The following TSC2 variants were observed in gnomAD, a reference collection of about 807,000 sequenced individuals.
The protein encoded by TSC2 is TSC complex subunit 2, also known as tuberin.
Under a neutral mutation model 202.2 loss-of-function variants are expected in TSC2, and 29 were observed. The observed-to-expected ratio is 0.14, with a 90% CI of 0.11 to 0.20. The LOEUF is 0.20. TSC2 is among the 10% of genes least tolerant of loss of function. The probability of loss-of-function intolerance (pLI) is 1.00; values close to 1 mark genes in which losing one functional copy is unlikely to be tolerated. For synonymous variants in TSC2, 1,349 were observed against 1,044.0 expected, an observed-to-expected ratio of 1.29 and a Z score of -5.63; for missense variants, 2,429 against 2,420.0, an observed-to-expected ratio of 1.00 and a Z score of -0.08.
intron 31 of TSC2, 90 bp from the exon 32 acceptor site, chr16:2,082,346 C>T (rs1484387751): frequency 4.0e-6 from 6 of 1,483,358 alleles, no homozygotes; most frequent in Admixed American, 3.3e-5. Flanking sequence ...TGCCCTCTCT[C>T]CTCTGCAGGC....
At chr16:2,068,546 G>C (rs1483568024) in intron 16 of TSC2, 2 of 152,274 alleles carry the variant, frequency 1.3e-5, no homozygotes, top group Admixed American at 6.5e-5. Context: ...TATGTATTCT[G>C]TGTTTTTACA....
chr16:2,069,027 G>A (rs1284155026), intron 16 of TSC2, among the ~76,000 whole-genome samples: 11 of 152,170 alleles, frequency 7.2e-5, no homozygotes, highest in Non-Finnish European at 1.5e-5. Context: ...GCTCTCTCGG[G>A]TGGGAGAGGC....
intron 14 of TSC2, chr16:2,063,800 T>G (rs2086934342): frequency 3.8e-6 from 1 of 265,926 alleles, no homozygotes; most frequent in African/African-American, 2.2e-5. Flanking sequence ...TCTGTTCCTG[T>G]GGAACTTTTT....
chr16:2,048,006 C>T lies in TSC2; in HGVS notation c.-89C>T. On this transcript the variant is annotated 5_prime_UTR_variant, in exon 1 of 42. Coordinates refer to ENST00000219476, the MANE Select transcript of TSC2 (RefSeq NM_000548.5). ...TCGCGCTTCCGGCGGCGTCCCGGGG[C>T]CAGGGGGGTGCGCCTTTCTCCGCGT... 12 of 1,488,954 alleles carry T rather than the reference C, an allele frequency of 8.1e-6. No individual in the cohort carries two copies. Among genetic ancestry groups the T allele is most frequent in the East Asian group, 2.6e-5 (1 of 38,824 alleles). The allele number at this position is 1,488,954 out of a possible 1,614,324, so 92.2% of individuals were successfully genotyped here. A position where few individuals can be genotyped will look rare whatever the true frequency, so the allele number is the denominator to read the frequency against.
chr16:2,055,890 C>CAAAAAA (rs373314420), intron 6 of TSC2: 22 of 266,822 alleles, frequency 8.2e-5, no homozygotes, highest in South Asian at 1.6e-4. Context: ...AACTCCATCT[C>CAAAAAA]AAAAAAAAAA....
chr16:2,074,055 A>C (rs574752172), intron 21 of TSC2, 145 bp from the exon 22 acceptor site: 1 of 1,027,294 alleles, frequency 9.7e-7, no homozygotes, highest in African/African-American at 1.6e-5. Context: ...CGGGTAGCTC[A>C]GCACTGCTGG....
rs2090437677 is a variant in TSC2, at chr16:2,083,826, G to T, written c.4005+10G>T. 4 of 1,609,410 alleles carry T rather than the reference G, an allele frequency of 2.5e-6. No homozygotes were observed. ...GGATGCCTACAGCAGGGTGAGTGTGGCTCAGAGCCTGGACCCTGCTGACCT... is the reference window on the plus strand; with the variant it reads ...GGATGCCTACAGCAGGGTGAGTGTGTCTCAGAGCCTGGACCCTGCTGACCT... On this transcript the variant is annotated intron_variant, in intron 33 of 41. Transcript: ENST00000219476.
At position 2,056,634 on chromosome 16, in the gene TSC2, T is replaced by C. The variant is rs2151077156; in HGVS notation, c.649-10T>C. On this transcript the variant is annotated splice_polypyrimidine_tract_variant and intron_variant, in intron 7 of 41. Transcript: ENST00000219476. ...GTAGGACGGGCGTGAGCCGTCTCCCTCTCCACCAGGTCTCCCTGCAGGTGC... is the reference window on the plus strand; with the variant it reads ...GTAGGACGGGCGTGAGCCGTCTCCCCCTCCACCAGGTCTCCCTGCAGGTGC... The C allele has an allele frequency of 6.2e-7, 1 of 1,609,080 alleles. No homozygotes were observed. Among genetic ancestry groups the C allele is most frequent in the Non-Finnish European group, 8.5e-7 (1 of 1,179,896 alleles).
chr16:2,066,576 C>A (rs1041231712), intron 16 of TSC2: 1 of 150,910 alleles, frequency 6.6e-6, no homozygotes, highest in South Asian at 2.1e-4. Context: ...TGTTTCAAGG[C>A]GATACCAGGC....
At position 2,050,454 on chromosome 16, in the gene TSC2, T is replaced by C. The variant is rs1060500965; in HGVS notation, c.193T>C (p.Cys65Arg). The C allele has an allele frequency of 1.9e-6, 3 of 1,613,868 alleles. No homozygotes were observed. The African/African-American group carries it at 4.0e-5, about 22-fold the overall frequency. Residue 65 changes from cysteine to arginine, a missense_variant, in exon 3 of 42, where the codon TGT becomes CGT. Cys to Arg is a radical substitution (Grantham distance 180). Transcript: ENST00000219476. The part of the protein sequence containing the change: ...NNRIRMIGQI[C>R]EVAKTKKFEE... ...TCGCATCCGGATGATAGGGCAGATT[T>C]GTGAAGTCGCAAAAACCAAGAAATT... is the stretch of plus-strand genomic sequence containing the variant.
Position 2,089,477 on chromosome 16 carries a change from C to T in TSC2, c.*867C>T, listed in dbSNP as rs905132047. Reference sequence around the variant, plus strand: ...AGGACTCGGGGAAATAAATTAGCATCTCAGAGGCTAGAAACCGTCCAATAC... The same window carrying T: ...AGGACTCGGGGAAATAAATTAGCATTTCAGAGGCTAGAAACCGTCCAATAC... On this transcript the variant is annotated 3_prime_UTR_variant, in exon 42 of 42. Transcript: ENST00000219476. 14 of 563,898 alleles carry T rather than the reference C, an allele frequency of 2.5e-5. No homozygotes were observed. The highest frequency in any genetic ancestry group is 5.9e-5 in the East Asian group (2 of 34,064). The allele number at this position is 563,898 out of a possible 1,614,324, so 34.9% of individuals were successfully genotyped here.
Position 2,062,870 on chromosome 16 carries a change from C to T in TSC2, c.1362-102C>T, listed in dbSNP as rs562171305. ...GCTCTGTGCCCTGTGTGCCTGGCCG[C>T]GGGAGGACCCAGAGTCGGGCTGGCC... On this transcript the variant is annotated intron_variant, in intron 13 of 41. Transcript: ENST00000219476. The T allele has an allele frequency of 1.5e-5, 20 of 1,342,880 alleles. 1 individual carries two copies. The highest frequency in any genetic ancestry group is 8.0e-5 in the Admixed American group (4 of 50,292). 83.2% of individuals were successfully genotyped at this position (1,342,880 alleles called of 1,614,324 possible). A position where few individuals can be genotyped will look rare whatever the true frequency, so the allele number is the denominator to read the frequency against.
At position 2,072,327 on chromosome 16, in the gene TSC2, C is replaced by T. The variant is rs1555506557; in HGVS notation, c.2184C>T (p.Cys728=). ...RYKVLIFTSP[C]SVDQLCSALC... is the part of the protein sequence containing the mutation. ...AAGTGCTCATCTTTACTTCCCCTTGCAGTGTGGACCAGCTGTGCTCTGCTC... is the reference window on the plus strand; with the variant it reads ...AAGTGCTCATCTTTACTTCCCCTTGTAGTGTGGACCAGCTGTGCTCTGCTC... Residue 728 remains cysteine (C), a synonymous_variant, in exon 20 of 42, where the codon TGC becomes TGT. Coordinates refer to ENST00000219476, the MANE Select transcript of TSC2 (RefSeq NM_000548.5). 2 of 1,614,162 alleles carry T rather than the reference C, an allele frequency of 1.2e-6. No individual in the cohort carries two copies. Among genetic ancestry groups the T allele is most frequent in the Non-Finnish European group, 8.5e-7 (1 of 1,180,036 alleles).
In TSC2 at chr16:2,054,451, C is replaced by T. The variant is rs975536162; in HGVS notation, c.481+11C>T. The T allele has an allele frequency of 3.7e-6, 6 of 1,614,074 alleles. No homozygotes were observed. Among genetic ancestry groups the T allele is most frequent in the East Asian group, 2.2e-5 (1 of 44,878 alleles). On this transcript the variant is annotated intron_variant, in intron 5 of 41. Coordinates refer to ENST00000219476, the MANE Select transcript of TSC2 (RefSeq NM_000548.5). ...TGGAGGAAGAGCTGGGTGGGTGCCA[C>T]CTTGGGTTGGAGGTTTCTCTGGCCT...
chr16:2,085,533 A>T (rs2090669894), intron 36 of TSC2, among the ~76,000 whole-genome samples: 1 of 152,186 alleles, frequency 6.6e-6, no homozygotes, highest in South Asian at 2.1e-4. Context: ...AGCACCCGGC[A>T]CACCAAGGAG....
chr16:2,053,819 T>C, intron 4 of TSC2: 2 of 510,478 alleles, frequency 3.9e-6, no homozygotes. Context: ...GCATTCCATC[T>C]GTGCTGGTCT....
At chr16:2,083,443 C>A (rs1346870074) in intron 32 of TSC2, 1 of 627,550 alleles carries the variant, frequency 1.6e-6, no homozygotes, top group Non-Finnish European at 2.9e-6. Context: ...CTGGTGGACA[C>A]TAGGGTGGGC....
In TSC2 at chr16:2,058,918, C is replaced by G. The variant is rs373276095; in HGVS notation, c.975+45C>G. On this transcript the variant is annotated intron_variant, in intron 10 of 41. Coordinates refer to ENST00000219476, the MANE Select transcript of TSC2 (RefSeq NM_000548.5). ...CAGTGAGCTGGCAGGAACGGGAGAG[C>G]TCCCCTCACGCCTGCCCACCCATCC... The G allele has an allele frequency of 1.9e-6, 3 of 1,588,664 alleles. No homozygotes were observed. The highest frequency in any genetic ancestry group is 2.6e-6 in the Non-Finnish European group (3 of 1,169,630).
intron 31 of TSC2, chr16:2,082,219 C>G: frequency 1.6e-6 from 1 of 613,784 alleles, no homozygotes; most frequent in East Asian, 2.7e-5. Context: ...GCAGATGGCA[C>G]TTAGCGGCCT....
Sources: gnomAD v4.1 joint callset for allele counts (sites outside exome capture counted in the v4.1 genomes callset) on GRCh38, gnomAD v4.1.1 for gene constraint, MANE v1.5 for transcripts, NCBI Gene and HGNC (gene_info 2026-07-23, HGNC 2026-07-21) for gene names.